The following RIPK1 variants were observed in gnomAD, a reference collection of about 807,000 sequenced individuals.
RIPK1 encodes receptor-interacting serine/threonine-protein kinase 1.
Under a neutral mutation model 62.4 loss-of-function variants are expected in RIPK1, and 27 were observed. The observed-to-expected ratio is 0.43, with a 90% confidence interval of 0.32 to 0.60. The LOEUF (loss-of-function observed/expected upper bound fraction) is 0.60, where lower values mean the gene tolerates loss of function less well. Among genes scored for constraint, RIPK1 ranks in the 20% least tolerant of loss-of-function variants. The pLI, the probability that RIPK1 is intolerant of heterozygous loss-of-function variation, is 0.07. For missense variants in RIPK1, 735 were observed against 831.0 expected, an observed-to-expected ratio of 0.88 and a Z score of 1.42; for synonymous variants, 287 against 303.2, an observed-to-expected ratio of 0.95 and a Z score of 0.55.
At chr6:3,069,658 C>T (rs1401770430) in intron 1 of RIPK1, among the ~76,000 whole-genome samples, 1 of 152,240 alleles carries the variant, frequency 6.6e-6, no homozygotes, top group Non-Finnish European at 1.5e-5. Context: ...TAGTACTCAT[C>T]TGCATTCTGT....
At chr6:3,068,424 C>A (rs1035574519), upstream of RIPK1, 1 of 985,324 alleles carries the variant, frequency 1.0e-6, no homozygotes, top group Admixed American at 6.1e-5. Flanking sequence ...GTCCCACGAG[C>A]GGCGGGGCGG....
chr6:3,072,172 A>G lies in RIPK1; in HGVS notation c.-61+3511A>G, dbSNP rs1758750330. 6.6e-6 allele frequency among the ~76,000 whole-genome samples: 1 copy of G among 152,204 alleles called. No individual in the cohort carries two copies. The highest frequency in any genetic ancestry group is 2.4e-5 in the African/African-American group (1 of 41,448). On this transcript the variant is annotated intron_variant, in intron 1 of 10. Transcript: ENST00000259808. The surrounding 1 kb of genome is among the most constrained non-coding windows in gnomAD (Gnocchi z 5.6). Reference sequence around the variant, plus strand: ...AATCTTTATCAGCATCTCTGATTTGATCCCTCAGAGTAAAGAAATACTGAG... The same window carrying G: ...AATCTTTATCAGCATCTCTGATTTGGTCCCTCAGAGTAAAGAAATACTGAG...
intron 5 of RIPK1, among the ~76,000 whole-genome samples, chr6:3,084,136 C>T (rs922184727): frequency 2.0e-5 from 3 of 151,698 alleles, no homozygotes; most frequent in Non-Finnish European, 4.4e-5. Flanking sequence ...TTCTCTGTCT[C>T]CACTGGCCTC....
intron 10 of RIPK1, among the ~76,000 whole-genome samples, chr6:3,112,598 A>G (rs538185173): frequency 1.1e-4 from 17 of 152,310 alleles, no homozygotes; most frequent in African/African-American, 4.1e-4. Context: ...GGGCACAGTC[A>G]TGGCTCACTG....
intron 2 of RIPK1, 41 bp from the exon 3 acceptor site, chr6:3,077,738 T>C: frequency 6.2e-7 from 1 of 1,608,328 alleles, no homozygotes; most frequent in Non-Finnish European, 8.5e-7. Context: ...CTTGAGGCGC[T>C]GGCTCTGCCA....
chr6:3,078,009 G>A, intron 3 of RIPK1, 74 bp downstream of exon 3: 16 of 1,483,032 alleles, frequency 1.1e-5, no homozygotes, highest in Non-Finnish European at 1.5e-5. Flanking sequence ...CCCTTGGGGT[G>A]TTTGTTTGCA....
rs1484148771 is a variant in RIPK1 at position 3,105,970 on chromosome 6, A to C, written c.1495A>C (p.Ser499Arg). 2 of 1,614,006 alleles carry C rather than the reference A, an allele frequency of 1.2e-6. No individual in the cohort carries two copies. The highest frequency in any genetic ancestry group is 1.7e-6 in the Non-Finnish European group (2 of 1,179,964). ...CAGGCCAATTCCAAGTCATATGCCT[A>C]GTCTGCATAATATCCCAGTGCCTGA... ...WYRPIPSHMP[S>R]LHNIPVPETN... Residue 499 changes from serine to arginine, a missense_variant, in exon 9 of 11, where the codon AGT becomes CGT. Around this residue, in one of 2 missense-constraint regions of RIPK1, gnomAD observed 671 missense variants for 726.2 expected, o/e 0.92. Transcript: ENST00000259808. This position sits in a 1 kb window ranked among gnomAD's most constrained non-coding sequence, Gnocchi z 4.5.
Position 3,105,841 on chromosome 6 carries a change from A to C in RIPK1, c.1366A>C (p.Thr456Pro). Reference protein sequence around the residue: ...GNAVHQPSGLTSQPQVLYQNN... With the variant: ...GNAVHQPSGLPSQPQVLYQNN... ...TGCAGTGCACCAGCCCTCAGGGCTC[A>C]CCAGCCAACCTCAAGTACTGTATCA... The change falls in exon 9 of 11, where the codon ACC (threonine) becomes CCC (proline). Residue 456 changes from threonine (T) to proline (P), a missense_variant. Coordinates refer to ENST00000259808, the MANE Select transcript of RIPK1 (RefSeq NM_001354930.2). This position sits in a 1 kb window ranked among gnomAD's most constrained non-coding sequence, Gnocchi z 4.5. 1 of 1,614,198 alleles carries C rather than the reference A, an allele frequency of 6.2e-7. No homozygotes were observed. The highest frequency in any genetic ancestry group is 8.5e-7 in the Non-Finnish European group (1 of 1,180,014).
At chr6:3,079,281 T>C (rs1759255204) in intron 3 of RIPK1, among the ~76,000 whole-genome samples, 2 of 152,068 alleles carry the variant, frequency 1.3e-5, no homozygotes, top group African/African-American at 2.4e-5. Flanking sequence ...GTTTTCACCA[T>C]GTTGGTCAGG....
At chr6:3,089,770 A>G (rs13204516) in intron 7 of RIPK1, 113 bp downstream of exon 7, 1 of 663,848 alleles carries the variant, frequency 1.5e-6, no homozygotes, top group Middle Eastern at 2.8e-4. Context: ...CTAGCTTGGT[A>G]AACATATAAA....
Position 3,089,940 on chromosome 6 carries a change from T to G in RIPK1, c.915+283T>G, listed in dbSNP as rs559195877. ...AAAGTACCATAAGTGGATCAGCCAT[T>G]TTGAGGAATTCTTGAAAGATAGAAA... On this transcript the variant is annotated intron_variant, in intron 7 of 10. Coordinates refer to ENST00000259808, the MANE Select transcript of RIPK1 (RefSeq NM_001354930.2). 2.6e-5 allele frequency among the ~76,000 whole-genome samples: 4 copies of G among 152,276 alleles called. No homozygotes were observed. In the East Asian group the frequency reaches 5.8e-4, roughly 22 times the overall value.
intron 9 of RIPK1, 37 bp from the exon 10 acceptor site, chr6:3,110,766 T>C: frequency 7.2e-7 from 1 of 1,396,260 alleles, no homozygotes; most frequent in South Asian, 1.3e-5. Context: ...TTGCTTTTGA[T>C]CTAGAATTAC....
At chr6:3,084,937 C>T (rs1283350979) in intron 5 of RIPK1, among the ~76,000 whole-genome samples, 1 of 152,180 alleles carries the variant, frequency 6.6e-6, no homozygotes, top group Non-Finnish European at 1.5e-5. Flanking sequence ...TTAAGTCACT[C>T]TCATTAAACT....
chr6:3,095,305 A>G (rs17548224), intron 7 of RIPK1, among the ~76,000 whole-genome samples: 2,167 of 152,350 alleles, frequency 0.014, 17 homozygotes, highest in Middle Eastern at 0.024. Context: ...AGAAGCAGTG[A>G]TAAAAAAAGA....
At chr6:3,082,592 C>T (rs1044923157) in intron 4 of RIPK1, among the ~76,000 whole-genome samples, 5 of 152,202 alleles carry the variant, frequency 3.3e-5, no homozygotes, top group Non-Finnish European at 7.3e-5. Context: ...TCCTTATCCT[C>T]AGTGTGTCTT....
intron 4 of RIPK1, among the ~76,000 whole-genome samples, chr6:3,081,942 G>A (rs964136746): frequency 2.4e-5 from 3 of 123,206 alleles, no homozygotes; most frequent in African/African-American, 8.8e-5. Flanking sequence ...TTGAAATTTT[G>A]TTTTATATTT....
chr6:3,064,196 C>T (rs1387510772), upstream of RIPK1: 1 of 152,316 alleles, frequency 6.6e-6, no homozygotes, highest in Non-Finnish European at 1.5e-5. Context: ...GGTGGTGTCT[C>T]GGCGGGGTCA....
chr6:3,068,382 G>A (rs1057079951), upstream of RIPK1: 1 of 985,366 alleles, frequency 1.0e-6, no homozygotes, highest in Non-Finnish European at 1.2e-6. Flanking sequence ...TAGCCCGCAA[G>A]AGAGCTCCGG....
rs17548287 is a variant in RIPK1, at chr6:3,105,137, C to G, written c.1007-345C>G. 0.15 allele frequency among the ~76,000 whole-genome samples: 22,452 copies of G among 152,182 alleles called. 4,308 individuals are homozygous for G. Among genetic ancestry groups the G allele is most frequent in the African/African-American group, 0.45 (18,515 of 41,434 alleles). On this transcript the variant is annotated intron_variant, in intron 8 of 10. Transcript: ENST00000259808. This position sits in a 1 kb window ranked among gnomAD's most constrained non-coding sequence, Gnocchi z 4.5. ...AACGTGCTAGGATTACAGGCGTGAG[C>G]CACCGCACCCAGCCACAGATCTTAT...
Sources: gnomAD v4.1 joint callset for allele counts (sites outside exome capture counted in the v4.1 genomes callset) on GRCh38, gnomAD v4.1.1 for gene constraint, gnomAD v4.1.1 regional missense constraint, Gnocchi (gnomAD v3.1) non-coding constraint, MANE v1.5 for transcripts, NCBI Gene and HGNC (gene_info 2026-07-23, HGNC 2026-07-21) for gene names.